EML1: variants seen among roughly 807,000 people sequenced by gnomAD.
EML1 encodes EMAP like 1.
In EML1, 27 loss-of-function variants were observed where a neutral mutation model predicts 110.4. That is an observed-to-expected ratio of 0.24 (90% CI 0.18 to 0.34). The LOEUF (loss-of-function observed/expected upper bound fraction) is 0.34. Ranked by LOEUF, EML1 falls within the 10% of genes least tolerant of loss-of-function variation. The pLI is 1.00. For missense variants in EML1, 741 were observed against 1,030.9 expected (o/e 0.72, Z 3.85); for synonymous variants, 344 against 385.8 (o/e 0.89, Z 1.27).
intron 2 of EML1, among the ~76,000 whole-genome samples, chr14:99,864,254 T>C (rs2059054092): frequency 1.3e-5 from 2 of 152,238 alleles, no homozygotes; most frequent in African/African-American, 4.8e-5. Flanking sequence ...TTTTATCAGA[T>C]ACGTGATGTG....
upstream of EML1, among the ~76,000 whole-genome samples, chr14:99,769,714 G>A (rs979580362): frequency 6.6e-6 from 1 of 152,188 alleles, no homozygotes; most frequent in Non-Finnish European, 1.5e-5. Flanking sequence ...AGATGTACCT[G>A]CCTTTAATGC....
At chr14:99,878,257 T>G (rs1380186905) in intron 3 of EML1, among the ~76,000 whole-genome samples, 2 of 152,022 alleles carry the variant, frequency 1.3e-5, no homozygotes, top group African/African-American at 4.8e-5. Flanking sequence ...AATGCCTCAG[T>G]TTCTCCATGA....
chr14:99,779,838 C>A (rs144284372), intron 1 of EML1, among the ~76,000 whole-genome samples: 88 of 152,244 alleles, frequency 5.8e-4, no homozygotes, highest in African/African-American at 1.9e-3. Context: ...CCTTGGTTCA[C>A]CTATTTAACA....
rs2060591185 is a variant in EML1, at chr14:99,941,666, G to A, written c.*1554G>A. 7.1e-6 allele frequency: 1 copy of A among 141,844 alleles called. No individual in the cohort carries two copies. Among genetic ancestry groups the A allele is most frequent in the South Asian group, 2.1e-4 (1 of 4,740 alleles). The allele number at this position is 141,844 out of a possible 1,614,324, so 8.8% of individuals were successfully genotyped here. A position where few individuals can be genotyped will look rare whatever the true frequency, so the allele number is the denominator to read the frequency against. On this transcript the variant is annotated 3_prime_UTR_variant, in exon 22 of 22. Coordinates refer to ENST00000262233, the MANE Select transcript of EML1 (RefSeq NM_004434.3). ...TGGGCCATTTGCAGATGAGACTGTAGTTTGCAGATGAGACTGTAGTTTGCA... is the reference window on the plus strand; with the variant it reads ...TGGGCCATTTGCAGATGAGACTGTAATTTGCAGATGAGACTGTAGTTTGCA...
At chr14:99,878,700 C>G in intron 4 of EML1, 81 bp downstream of exon 4, 1 of 1,512,566 alleles carries the variant, frequency 6.6e-7, no homozygotes, top group South Asian at 1.3e-5. Flanking sequence ...AGAAGATCCC[C>G]TCATATTCCA....
At chr14:99,863,453 A>T (rs2059037296) in intron 2 of EML1, among the ~76,000 whole-genome samples, 1 of 152,196 alleles carries the variant, frequency 6.6e-6, no homozygotes, top group South Asian at 2.1e-4. Flanking sequence ...CATATGCCCC[A>T]TGATGGTATC....
At chr14:99,773,287 G>C (rs2057445161) in exon 1 of EML1, 1 of 152,210 alleles carries the variant, frequency 6.6e-6, no homozygotes, top group Admixed American at 6.5e-5. Context: ...AACAATCTCA[G>C]AATAAGGCTA....
intron 6 of EML1, among the ~76,000 whole-genome samples, chr14:99,895,096 C>T (rs564131614): frequency 0.032 from 4,815 of 152,062 alleles, 280 homozygotes; most frequent in African/African-American, 0.11. Flanking sequence ...TGATTTTTTT[C>T]TTTGTCAGGA....
intron 1 of EML1, among the ~76,000 whole-genome samples, chr14:99,846,678 G>A (rs2058712366): frequency 6.6e-6 from 1 of 152,084 alleles, no homozygotes; most frequent in South Asian, 2.1e-4. Flanking sequence ...CACTTTATAT[G>A]TTTATATAAC....
At chr14:99,874,690 G>A (rs1218013601) in intron 3 of EML1, among the ~76,000 whole-genome samples, 5 of 145,020 alleles carry the variant, frequency 3.4e-5, no homozygotes, top group South Asian at 2.1e-4. Flanking sequence ...TTTATTCTAC[G>A]TCTGGGACAA....
At chr14:99,922,717 A>G (rs546075500) in intron 17 of EML1, among the ~76,000 whole-genome samples, 1 of 152,072 alleles carries the variant, frequency 6.6e-6, no homozygotes, top group Non-Finnish European at 1.5e-5. Flanking sequence ...TGTGGTTTTA[A>G]TTGGTGTTTC....
chr14:99,882,977 C>T (rs2059413135), intron 4 of EML1, among the ~76,000 whole-genome samples: 3 of 152,192 alleles, frequency 2.0e-5, no homozygotes, highest in African/African-American at 7.2e-5. Flanking sequence ...AGCGCCTGTC[C>T]TTTCTAAAGC....
chr14:99,794,711 A>G (rs1256239473), intron 1 of EML1, among the ~76,000 whole-genome samples: 1 of 152,208 alleles, frequency 6.6e-6, no homozygotes, highest in East Asian at 1.9e-4. Flanking sequence ...TCATGAATTT[A>G]GTAATTCCCT....
At chr14:99,874,059 A>G (rs1446459013) in intron 3 of EML1, among the ~76,000 whole-genome samples, 1 of 152,234 alleles carries the variant, frequency 6.6e-6, no homozygotes, top group South Asian at 2.1e-4. Context: ...CTTTTGCAAA[A>G]TTTTGGAAAA....
At chr14:99,786,736 G>A (rs998829696) in intron 1 of EML1, among the ~76,000 whole-genome samples, 1 of 152,248 alleles carries the variant, frequency 6.6e-6, no homozygotes, top group African/African-American at 2.4e-5. Flanking sequence ...TTTGCAGCAG[G>A]AGTGCAGACT....
chr14:99,863,439 G>T (rs2139874939), intron 2 of EML1, among the ~76,000 whole-genome samples: 1 of 152,298 alleles, frequency 6.6e-6, no homozygotes, highest in African/African-American at 2.4e-5. Flanking sequence ...AAGGCATCAT[G>T]TCACATATGC....
upstream of EML1, among the ~76,000 whole-genome samples, chr14:99,791,212 C>T (rs2057666815): frequency 6.6e-6 from 1 of 152,208 alleles, no homozygotes; most frequent in African/African-American, 2.4e-5. Flanking sequence ...CTTTGATATC[C>T]AGCAACCTAT....
At chr14:99,860,152 G>A (rs1307059791) in intron 2 of EML1, among the ~76,000 whole-genome samples, 1 of 152,146 alleles carries the variant, frequency 6.6e-6, no homozygotes, top group Non-Finnish European at 1.5e-5. Context: ...CAGCCATCCT[G>A]CAATCCTTCC....
intron 4 of EML1, among the ~76,000 whole-genome samples, chr14:99,890,154 A>C (rs2059562206): frequency 1.3e-5 from 2 of 152,234 alleles, no homozygotes; most frequent in African/African-American, 2.4e-5. Flanking sequence ...CACAAAATGC[A>C]TATGTAATCC....
Sources: gnomAD v4.1 joint callset for allele counts (sites outside exome capture counted in the v4.1 genomes callset) on GRCh38, gnomAD v4.1.1 for gene constraint, MANE v1.5 for transcripts, NCBI Gene and HGNC (gene_info 2026-07-23, HGNC 2026-07-21) for gene names.